The following DNAH14 variants were observed in gnomAD, a reference collection of about 807,000 sequenced individuals.
DNAH14 encodes axonemal beta dynein heavy chain 14.
Under a neutral mutation model 520.9 loss-of-function variants are expected in DNAH14, and 478 were observed. The ratio of observed to expected loss-of-function variants is 0.92; its 90% CI spans 0.85 to 0.99. DNAH14 has a LOEUF of 0.99. Among genes scored for constraint, DNAH14 ranks in the 50% least tolerant of loss-of-function variants. DNAH14 has a pLI of 0.00. For missense variants in DNAH14, 4,831 were observed against 5,234.5 expected (o/e 0.92, Z 2.38); for synonymous variants, 1,581 against 1,757.2 (o/e 0.90, Z 2.51).
At chr1:225,088,369 A>G (rs1350846519) in intron 21 of DNAH14, among the ~76,000 whole-genome samples, 1 of 152,214 alleles carries the variant, frequency 6.6e-6, no homozygotes. Context: ...GAAAACTACA[A>G]TGTCTGAAGT....
intron 27 of DNAH14, among the ~76,000 whole-genome samples, chr1:225,131,861 G>A (rs2078457635): frequency 6.6e-6 from 1 of 152,122 alleles, no homozygotes; most frequent in Non-Finnish European, 1.5e-5. Context: ...AACAGCATGT[G>A]TAGAATAAGA....
chr1:224,963,747 A>G (rs899146544), intron 4 of DNAH14, among the ~76,000 whole-genome samples: 1 of 152,112 alleles, frequency 6.6e-6, no homozygotes, highest in African/African-American at 2.4e-5. Flanking sequence ...CCTAGGGCAC[A>G]AAATGTAAAG....
intron 36 of DNAH14, among the ~76,000 whole-genome samples, chr1:225,170,922 T>C (rs997402212): frequency 6.6e-6 from 1 of 152,180 alleles, no homozygotes; most frequent in African/African-American, 2.4e-5. Flanking sequence ...AAACTGTCTC[T>C]CAGACCACAG....
chr1:225,206,236 C>A, intron 40 of DNAH14, 57 bp downstream of exon 40: 1 of 1,381,478 alleles, frequency 7.2e-7, no homozygotes, highest in African/African-American at 1.4e-5. Context: ...ATGATAGTAA[C>A]TATTTATTAT....
In DNAH14 at chr1:225,335,296, C is replaced by CACGTGT. The variant is rs1231946089; in HGVS notation, c.10080+1792_10080+1793insGTGTAC. 7.3e-5 allele frequency among the ~76,000 whole-genome samples: 10 copies of CACGTGT among 136,868 alleles called. 2 individuals carry two copies. The highest frequency in any genetic ancestry group is 4.8e-4 in the South Asian group (2 of 4,146). 89.8% of individuals were successfully genotyped at this position (136,868 alleles called of 152,430 possible). ...TACATTGTGTGTATATGCACATATA[C>CACGTGT]ACATGTGTACACGTGTGTATATGCA... On this transcript the variant is annotated intron_variant, in intron 66 of 85. Coordinates refer to ENST00000682510, the MANE Select transcript of DNAH14 (RefSeq NM_001367479.1).
intron 55 of DNAH14, 83 bp downstream of exon 55, chr1:225,290,165 GAA>G (rs1558280054): frequency 1.0e-6 from 1 of 996,220 alleles, no homozygotes; most frequent in Non-Finnish European, 1.4e-6. Context: ...TATTTGAAAA[GAA>G]AACAAGAAAA....
At chr1:225,030,986 AT>A (rs1304388830) in intron 11 of DNAH14, among the ~76,000 whole-genome samples, 1 of 152,024 alleles carries the variant, frequency 6.6e-6, no homozygotes, top group East Asian at 1.9e-4. Context: ...TCTTAACAAT[AT>A]TCAGTCTTTT....
intron 84 of DNAH14, among the ~76,000 whole-genome samples, chr1:225,392,795 TC>T (rs2095937829): frequency 6.6e-6 from 1 of 152,232 alleles, no homozygotes; most frequent in African/African-American, 2.4e-5. Flanking sequence ...TCCTAGCTGC[TC>T]ATGGCCGAAA....
At chr1:225,209,930 T>C (rs2088130612) in intron 41 of DNAH14, among the ~76,000 whole-genome samples, 1 of 151,958 alleles carries the variant, frequency 6.6e-6, no homozygotes, top group Admixed American at 6.6e-5. Flanking sequence ...CAAGAGAAGT[T>C]GTGAGGGACA....
chr1:225,221,531 G>T (rs1328337807), intron 41 of DNAH14, among the ~76,000 whole-genome samples: 1 of 152,116 alleles, frequency 6.6e-6, no homozygotes, highest in Non-Finnish European at 1.5e-5. Flanking sequence ...CATTTATGCA[G>T]CCAACAAACA....
At chr1:224,989,068 C>T (rs991832459) in intron 8 of DNAH14, among the ~76,000 whole-genome samples, 2 of 152,164 alleles carry the variant, frequency 1.3e-5, no homozygotes, top group Non-Finnish European at 2.9e-5. Flanking sequence ...TTAATATCTT[C>T]ACAATGGTAA....
chr1:225,393,453 G>C (rs2095949462), intron 84 of DNAH14, among the ~76,000 whole-genome samples: 1 of 152,232 alleles, frequency 6.6e-6, no homozygotes, highest in South Asian at 2.1e-4. Context: ...TAACACAATG[G>C]TAATTTGTGT....
intron 34 of DNAH14, 86 bp downstream of exon 34, chr1:225,153,912 G>A: frequency 1.0e-6 from 1 of 992,916 alleles, no homozygotes; most frequent in South Asian, 1.7e-5. Context: ...ATGATGCCAA[G>A]TTAAAACAGG....
chr1:225,057,795 T>A (rs1019240200), intron 17 of DNAH14, among the ~76,000 whole-genome samples: 10 of 152,294 alleles, frequency 6.6e-5, no homozygotes, highest in Admixed American at 6.5e-4. Context: ...GTCATATGGT[T>A]TTTGTCGTTG....
intron 17 of DNAH14, among the ~76,000 whole-genome samples, chr1:225,058,153 C>T (rs1327413560): frequency 6.6e-6 from 1 of 152,186 alleles, no homozygotes; most frequent in Non-Finnish European, 1.5e-5. Flanking sequence ...GTGAAACCAT[C>T]TGGTCCTGGA....
At chr1:225,032,946 TGTTTAA>T (rs56333029) in intron 11 of DNAH14, among the ~76,000 whole-genome samples, 119,838 of 150,970 alleles carry the variant, frequency 0.79, 50,944 homozygotes, top group Non-Finnish European at 0.96. Context: ...CTTGTAAATT[TGTTTAA>T]GTTCCTTATA....
intron 23 of DNAH14, among the ~76,000 whole-genome samples, chr1:225,106,703 G>T (rs1281625078): frequency 6.6e-6 from 1 of 152,130 alleles, no homozygotes; most frequent in Non-Finnish European, 1.5e-5. Flanking sequence ...TCGTCACATA[G>T]TTCTTGTGCC....
chr1:225,046,401 C>T (rs2067968205), intron 15 of DNAH14, among the ~76,000 whole-genome samples: 1 of 152,028 alleles, frequency 6.6e-6, no homozygotes, highest in Non-Finnish European at 1.5e-5. Context: ...AAAACATTCT[C>T]TCACTTATTT....
At chr1:225,017,523 A>G (rs1251973312) in intron 10 of DNAH14, among the ~76,000 whole-genome samples, 1 of 152,264 alleles carries the variant, frequency 6.6e-6, no homozygotes, top group Non-Finnish European at 1.5e-5. Context: ...TGCCCCTACC[A>G]GAGTACTTCC....
Sources: gnomAD v4.1 joint callset for allele counts (sites outside exome capture counted in the v4.1 genomes callset) on GRCh38, gnomAD v4.1.1 for gene constraint, MANE v1.5 for transcripts, NCBI Gene and HGNC (gene_info 2026-07-23, HGNC 2026-07-21) for gene names.